KLHL29: variants seen among roughly 807,000 people sequenced by gnomAD.
KLHL29 encodes the protein kelch-like protein 29.
In KLHL29, 21 loss-of-function variants were observed where a neutral mutation model predicts 80.4. The ratio of observed to expected loss-of-function variants is 0.26; its 90% confidence interval spans 0.19 to 0.38. The LOEUF (loss-of-function observed/expected upper bound fraction) is 0.38, where lower values mean the gene tolerates loss of function less well. Among genes scored for constraint, KLHL29 ranks in the 10% least tolerant of loss-of-function variants. KLHL29 has a pLI of 1.00. For missense variants in KLHL29, 867 were observed against 1,223.9 expected (o/e 0.71, Z 4.35); for synonymous variants, 511 against 526.8 (o/e 0.97, Z 0.41).
chr2:23,396,891 TC>T (rs1666465905), intron 1 of KLHL29, among the ~76,000 whole-genome samples: 1 of 152,126 alleles, frequency 6.6e-6, no homozygotes, highest in African/African-American at 2.4e-5. Flanking sequence ...TTCCTCTCTT[TC>T]CCCCAAGAGG....
At chr2:23,477,298 C>T (rs1195479457) in intron 2 of KLHL29, among the ~76,000 whole-genome samples, 1 of 152,274 alleles carries the variant, frequency 6.6e-6, no homozygotes, top group Admixed American at 6.5e-5. Context: ...CTGCCACGTC[C>T]AGATTCTCTG....
chr2:23,697,098 C>T (rs1181886602), intron 11 of KLHL29: 1 of 151,880 alleles, frequency 6.6e-6, no homozygotes, highest in Non-Finnish European at 1.5e-5. Flanking sequence ...TGCCAACCCT[C>T]TAGAACTTTC....
intron 5 of KLHL29, among the ~76,000 whole-genome samples, chr2:23,659,240 G>A (rs780527496): frequency 5.9e-5 from 9 of 152,190 alleles, no homozygotes; most frequent in Non-Finnish European, 1.0e-4. Flanking sequence ...CAACCCGTCC[G>A]CAGCGGCGCT....
At chr2:23,544,464 C>A (rs554913571) in intron 2 of KLHL29, among the ~76,000 whole-genome samples, 4 of 152,284 alleles carry the variant, frequency 2.6e-5, no homozygotes, top group African/African-American at 9.6e-5. Flanking sequence ...AGATAGCCAT[C>A]GGAACAGCTG....
At chr2:23,437,994 G>A (rs946480058) in intron 1 of KLHL29, among the ~76,000 whole-genome samples, 2 of 151,872 alleles carry the variant, frequency 1.3e-5, no homozygotes, top group African/African-American at 4.8e-5. Context: ...ATTGAGCAGT[G>A]GTTTGTAGTT....
At chr2:23,508,673 A>G (rs1665676463) in intron 2 of KLHL29, among the ~76,000 whole-genome samples, 1 of 152,246 alleles carries the variant, frequency 6.6e-6, no homozygotes, top group African/African-American at 2.4e-5. Context: ...TCTTGCAGAC[A>G]AAACCCAAAG....
intron 5 of KLHL29, among the ~76,000 whole-genome samples, chr2:23,658,476 GCTGCTCAGCACA>G (rs1670307930): frequency 6.6e-6 from 1 of 152,314 alleles, no homozygotes; most frequent in East Asian, 1.9e-4. Context: ...GCACCCCCCA[GCTGCTCAGCACA>G]GGCCCCACGT....
At chr2:23,513,154 T>C (rs72784274) in intron 2 of KLHL29, among the ~76,000 whole-genome samples, 14,572 of 152,306 alleles carry the variant, frequency 0.096, 758 homozygotes, top group Non-Finnish European at 0.11. Context: ...CCTGCACTTT[T>C]AAGTCATGGG....
chr2:23,623,459 T>C (rs1021611387), intron 3 of KLHL29, among the ~76,000 whole-genome samples: 1 of 152,252 alleles, frequency 6.6e-6, no homozygotes, highest in African/African-American at 2.4e-5. Flanking sequence ...ATCATGTTTG[T>C]TGATGTTTTC....
chr2:23,451,253 A>G (rs1404199947), intron 1 of KLHL29, among the ~76,000 whole-genome samples: 1 of 152,166 alleles, frequency 6.6e-6, no homozygotes, highest in Non-Finnish European at 1.5e-5. Flanking sequence ...TCACTCCCAT[A>G]GAACTCCCTG....
chr2:23,706,714 G>C lies in KLHL29; in HGVS notation c.*50G>C, dbSNP rs1482612341. On this transcript the variant is annotated 3_prime_UTR_variant, in exon 14 of 14. Coordinates refer to ENST00000486442, the MANE Select transcript of KLHL29 (RefSeq NM_052920.2). Reference sequence around the variant, plus strand: ...ACTGTGGACAAGTCTGGTGAGGCAAGTGCCACGCAATGATAATTTTCCAGC... The same window carrying C: ...ACTGTGGACAAGTCTGGTGAGGCAACTGCCACGCAATGATAATTTTCCAGC... 7.4e-7 allele frequency: 1 copy of C among 1,350,420 alleles called. No individual in the cohort carries two copies. The highest frequency in any genetic ancestry group is 9.7e-7 in the Non-Finnish European group (1 of 1,025,918). 83.7% of individuals were successfully genotyped at this position (1,350,420 alleles called of 1,614,324 possible).
intron 3 of KLHL29, among the ~76,000 whole-genome samples, chr2:23,627,971 G>T (rs555509267): frequency 7.1e-6 from 1 of 141,042 alleles, no homozygotes; most frequent in Non-Finnish European, 1.5e-5. Context: ...GCAGTGGCAC[G>T]ATCTCGGCTC....
chr2:23,676,725 T>G (rs1670932808), intron 5 of KLHL29, among the ~76,000 whole-genome samples: 1 of 152,096 alleles, frequency 6.6e-6, no homozygotes, highest in Non-Finnish European at 1.5e-5. Context: ...AGAGAAACAT[T>G]CAAAGTGAAG....
At chr2:23,658,022 A>G (rs1670294886) in intron 5 of KLHL29, among the ~76,000 whole-genome samples, 1 of 152,026 alleles carries the variant, frequency 6.6e-6, no homozygotes, top group South Asian at 2.1e-4. Context: ...CTCAAGCTCC[A>G]TGGCACCCAG....
intron 2 of KLHL29, among the ~76,000 whole-genome samples, chr2:23,514,311 G>C (rs1165350225): frequency 6.6e-6 from 1 of 152,206 alleles, no homozygotes; most frequent in Non-Finnish European, 1.5e-5. Flanking sequence ...CCATTGGAGA[G>C]AGACCTGGGC....
At chr2:23,585,210 G>A (rs1668088709) in intron 3 of KLHL29, among the ~76,000 whole-genome samples, 1 of 152,190 alleles carries the variant, frequency 6.6e-6, no homozygotes. Context: ...GTAAAGGTTA[G>A]GGCAGTACTC....
chr2:23,704,796 T>C (rs1672615162), intron 13 of KLHL29, among the ~76,000 whole-genome samples: 1 of 152,138 alleles, frequency 6.6e-6, no homozygotes, highest in African/African-American at 2.4e-5. Flanking sequence ...AGAAACCTCA[T>C]TGTCAGGACT....
intron 3 of KLHL29, among the ~76,000 whole-genome samples, chr2:23,612,602 C>A (rs1443650353): frequency 3.3e-5 from 5 of 151,990 alleles, no homozygotes; most frequent in Non-Finnish European, 2.9e-5. Context: ...ATTAGGTGGT[C>A]ATGGTGGTGA....
rs1268486283 is a variant in KLHL29 at position 23,440,922 on chromosome 2, A to G, written c.-153-34638A>G. 7.2e-5 allele frequency among the ~76,000 whole-genome samples: 11 copies of G among 152,322 alleles called. No individual in the cohort carries two copies. The South Asian group carries it at 8.3e-4, about 12-fold the overall frequency. On this transcript the variant is annotated intron_variant, in intron 1 of 13. Coordinates refer to ENST00000486442, the MANE Select transcript of KLHL29 (RefSeq NM_052920.2). ...CAACCCTTGTGGAAGTCAGTGTGGC[A>G]ATTCCTCAGGGATCTGGAACTAGAA...
Sources: allele counts gnomAD v4.1 joint callset (sites outside exome capture counted in the v4.1 genomes callset), GRCh38; gene constraint gnomAD v4.1.1; transcripts MANE v1.5; gene names NCBI Gene and HGNC (gene_info 2026-07-23, HGNC 2026-07-21).